The following CEMIP variants were observed in gnomAD, a reference collection of about 807,000 sequenced individuals.
CEMIP encodes cell migration-inducing and hyaluronan-binding protein.
In CEMIP, 105 loss-of-function variants were observed where a neutral mutation model predicts 156.9. That is an observed-to-expected ratio of 0.67 (90% CI 0.57 to 0.79). The LOEUF (loss-of-function observed/expected upper bound fraction) is 0.79, where lower values mean the gene tolerates loss of function less well. Among genes scored for constraint, CEMIP ranks in the 30% least tolerant of loss-of-function variants. The probability of loss-of-function intolerance (pLI) is 0.00; values close to 1 mark genes in which losing one functional copy is unlikely to be tolerated. For missense variants in CEMIP, 1,457 were observed against 1,769.4 expected (o/e 0.82, Z 3.17); for synonymous variants, 676 against 668.4 (o/e 1.01, Z -0.17).
chr15:80,821,748 G>A (rs1178180184), intron 1 of CEMIP, among the ~76,000 whole-genome samples: 1 of 152,208 alleles, frequency 6.6e-6, no homozygotes, highest in African/African-American at 2.4e-5. Flanking sequence ...GCTACTTAGA[G>A]GTGCCCATGG....
chr15:80,921,226 C>A, intron 16 of CEMIP, 125 bp downstream of exon 16: 1 of 870,448 alleles, frequency 1.1e-6, no homozygotes, highest in Non-Finnish European at 1.8e-6. Flanking sequence ...TGCAGACGGG[C>A]TTAGCTGTGG....
At position 80,803,759 on chromosome 15, in the gene CEMIP, G is replaced by C. The variant is rs531551280; in HGVS notation, c.-176+24145G>C. On this transcript the variant is annotated intron_variant, in intron 1 of 29. Transcript: ENST00000394685. ...AGATCTGCTGTCTGAGCTCAAGTCT[G>C]TCTTGGGCTCCAGACCCACAGGTCT... Among the ~76,000 whole-genome samples, 97 of 152,324 alleles carry C rather than the reference G, an allele frequency of 6.4e-4. 3 individuals carry two copies. In the South Asian group the frequency reaches 7.9e-3, roughly 12 times the overall value.
At chr15:80,891,739 G>A (rs190083062) in intron 10 of CEMIP, among the ~76,000 whole-genome samples, 33 of 152,286 alleles carry the variant, frequency 2.2e-4, no homozygotes, top group Admixed American at 1.4e-3. Flanking sequence ...GTGTTGCCAC[G>A]CTGGAGAGAT....
Position 80,881,019 on chromosome 15 carries a change from C to T in CEMIP, c.500C>T (p.Thr167Ile), listed in dbSNP as rs1161531980. The change falls in exon 6 of 30, where the codon ACC becomes ATC. Residue 167 changes from threonine to isoleucine, a missense_variant. Transcript: ENST00000394685. Reference sequence around the variant, plus strand: ...CTCTCCTGGACATTTCTGAACAAGACCCTTCACCCAGGTGGCATGGCAGAA... The same window carrying T: ...CTCTCCTGGACATTTCTGAACAAGATCCTTCACCCAGGTGGCATGGCAGAA... ...KKLSWTFLNK[T>I]LHPGGMAEGG... 1 of 1,614,190 alleles carries T rather than the reference C, an allele frequency of 6.2e-7. No homozygotes were observed. Among genetic ancestry groups the T allele is most frequent in the Non-Finnish European group, 8.5e-7 (1 of 1,180,036 alleles).
intron 1 of CEMIP, among the ~76,000 whole-genome samples, chr15:80,863,884 G>A (rs764869458): frequency 9.9e-5 from 15 of 152,114 alleles, no homozygotes; most frequent in Non-Finnish European, 1.8e-4. Context: ...ATACTGGGAT[G>A]GGTAAACAAG....
intron 1 of CEMIP, among the ~76,000 whole-genome samples, chr15:80,812,430 C>A (rs1056453440): frequency 3.3e-5 from 5 of 152,128 alleles, no homozygotes; most frequent in African/African-American, 1.2e-4. Context: ...GACTTGGATT[C>A]AAATCCTAGC....
chr15:80,795,287 G>C (rs1896191933), intron 1 of CEMIP, among the ~76,000 whole-genome samples: 1 of 152,036 alleles, frequency 6.6e-6, no homozygotes, highest in African/African-American at 2.4e-5. Context: ...TCTCTGTCTG[G>C]GTAGGTGGGG....
At chr15:80,780,223 G>A (rs1212528428) in intron 1 of CEMIP, among the ~76,000 whole-genome samples, 3 of 152,234 alleles carry the variant, frequency 2.0e-5, no homozygotes, top group African/African-American at 4.8e-5. Flanking sequence ...AGATGAACCC[G>A]GGGGGCTCTG....
In CEMIP at chr15:80,914,051, T is replaced by G. The variant is rs1408262961; in HGVS notation, c.1797+4745T>G. Among the ~76,000 whole-genome samples the G allele has an allele frequency of 2.6e-5, 4 of 151,892 alleles. No homozygotes were observed. The East Asian group carries it at 7.8e-4, about 30-fold the overall frequency. On this transcript the variant is annotated intron_variant, in intron 14 of 29. Coordinates refer to ENST00000394685, the MANE Select transcript of CEMIP (RefSeq NM_001293298.2). ...AATGGTTAGCACCAAAGCTGCAGGA[T>G]GCAGGCAGATGTGGGGTGCAGTCTG...
At chr15:80,920,751 T>C (rs1162979854) in intron 15 of CEMIP, among the ~76,000 whole-genome samples, 1 of 152,248 alleles carries the variant, frequency 6.6e-6, no homozygotes, top group Non-Finnish European at 1.5e-5. Flanking sequence ...TGGGTTCTTC[T>C]GACCTGCATG....
intron 1 of CEMIP, among the ~76,000 whole-genome samples, chr15:80,818,149 T>A (rs1896829281): frequency 6.6e-6 from 1 of 152,184 alleles, no homozygotes; most frequent in Non-Finnish European, 1.5e-5. Context: ...AAATATGTAT[T>A]TCTCACTCAT....
chr15:80,785,014 C>A (rs1895893935), intron 1 of CEMIP, among the ~76,000 whole-genome samples: 1 of 152,148 alleles, frequency 6.6e-6, no homozygotes, highest in Non-Finnish European at 1.5e-5. Flanking sequence ...ATTGTCGCTC[C>A]TAAGCCATCT....
chr15:80,920,350 G>A (rs1346529550), intron 15 of CEMIP, 51 bp downstream of exon 15: 1 of 1,509,858 alleles, frequency 6.6e-7, no homozygotes, highest in Admixed American at 1.7e-5. Flanking sequence ...GTGTACATGT[G>A]TGTGCATGTG....
chr15:80,888,883 T>G, intron 9 of CEMIP, 87 bp downstream of exon 9: 6 of 1,162,600 alleles, frequency 5.2e-6, no homozygotes, highest in East Asian at 2.3e-5. Context: ...GATTTATCTC[T>G]TATACCAGTA....
intron 27 of CEMIP, 78 bp from the exon 28 acceptor site, chr15:80,942,867 T>G: frequency 6.4e-7 from 1 of 1,564,298 alleles, no homozygotes; most frequent in Admixed American, 1.7e-5. Flanking sequence ...CTTCAGGGTC[T>G]GCTTGGGAAC....
At position 80,820,493 on chromosome 15, in the gene CEMIP, G is replaced by A. The variant is rs577570626; in HGVS notation, c.-176+40879G>A. 3.3e-5 allele frequency among the ~76,000 whole-genome samples: 5 copies of A among 152,306 alleles called. No individual in the cohort carries two copies. In the East Asian group the frequency reaches 7.7e-4, roughly 23 times the overall value. ...CTTGATTCATCCAACCTGAACCACA[G>A]TCAGGATCATCAGTTACAAGGAGTA... On this transcript the variant is annotated intron_variant, in intron 1 of 29. Coordinates refer to ENST00000394685, the MANE Select transcript of CEMIP (RefSeq NM_001293298.2).
At chr15:80,806,782 A>G (rs1351157919) in intron 1 of CEMIP, among the ~76,000 whole-genome samples, 1 of 152,228 alleles carries the variant, frequency 6.6e-6, no homozygotes, top group Non-Finnish European at 1.5e-5. Flanking sequence ...TCATCTGCTC[A>G]CTTTCCAGTT....
intron 23 of CEMIP, among the ~76,000 whole-genome samples, chr15:80,933,831 T>C (rs1031244101): frequency 6.6e-6 from 1 of 152,128 alleles, no homozygotes; most frequent in African/African-American, 2.4e-5. Flanking sequence ...CTTCAGAAAA[T>C]ACAAGTAAAA....
At chr15:80,869,638 T>A (rs1211862432) in intron 1 of CEMIP, among the ~76,000 whole-genome samples, 1 of 152,226 alleles carries the variant, frequency 6.6e-6, no homozygotes, top group Non-Finnish European at 1.5e-5. Flanking sequence ...TAGTTCCTTG[T>A]GTACTTGCCT....
Sources: gnomAD v4.1 joint callset for allele counts (sites outside exome capture counted in the v4.1 genomes callset) on GRCh38, gnomAD v4.1.1 for gene constraint, MANE v1.5 for transcripts, NCBI Gene and HGNC (gene_info 2026-07-23, HGNC 2026-07-21) for gene names.